The following FAM184A variants were observed in gnomAD, a reference collection of about 807,000 sequenced individuals.
FAM184A encodes protein FAM184A.
Under a neutral mutation model 143.8 loss-of-function variants are expected in FAM184A, and 99 were observed. The observed-to-expected ratio is 0.69, with a 90% CI of 0.58 to 0.81. The LOEUF is 0.81. FAM184A is among the 40% of genes least tolerant of loss of function. The pLI is 0.00. For missense variants in FAM184A, 1,217 were observed against 1,310.5 expected (o/e 0.93, Z 1.10); for synonymous variants, 427 against 446.4 (o/e 0.96, Z 0.55).
intron 1 of FAM184A, among the ~76,000 whole-genome samples, chr6:119,090,269 T>C (rs1422990982): frequency 6.6e-6 from 1 of 152,254 alleles, no homozygotes; most frequent in African/African-American, 2.4e-5. Flanking sequence ...CTCAGAATTT[T>C]CTCTAGCAAA....
chr6:119,108,145 G>GTGTGTGTGTGTGTGTGTGTT (rs1788838731), intron 1 of FAM184A, among the ~76,000 whole-genome samples: 1 of 151,894 alleles, frequency 6.6e-6, no homozygotes, highest in African/African-American at 2.4e-5. Context: ...GTGTGTGTGT[G>GTGTGTGTGTGTGTGTGTGTT]TGTGTGGTGT....
rs187226078 is a variant in FAM184A, at chr6:119,066,361, G to T, written c.159+11780C>A. ...CCTTGGCTCCCTCTTTCACTTAGAA[G>T]GATCCTTGTGATTACAGTTGCCCAT... On this transcript the variant is annotated intron_variant, in intron 1 of 17. Transcript: ENST00000338891. 2.5e-3 allele frequency among the ~76,000 whole-genome samples: 380 copies of T among 152,248 alleles called. 10 individuals are homozygous for T. Among genetic ancestry groups the T allele is most frequent in the Non-Finnish European group, 5.9e-4 (40 of 68,016 alleles).
At chr6:119,120,809 TTTC>T (rs1464330482) in intron 1 of FAM184A, among the ~76,000 whole-genome samples, 2 of 13,470 alleles carry the variant, frequency 1.5e-4, no homozygotes, top group Non-Finnish European at 4.3e-4. Flanking sequence ...GGTTTTTCTC[TTTC>T]TTTCTTTCTT....
At chr6:119,093,637 A>G (rs1361991486) in intron 1 of FAM184A, among the ~76,000 whole-genome samples, 1 of 152,126 alleles carries the variant, frequency 6.6e-6, no homozygotes, top group Non-Finnish European at 1.5e-5. Flanking sequence ...GAGGGATCCC[A>G]AGGAGGACGA....
chr6:119,017,308 C>T (rs1040835175), intron 4 of FAM184A, among the ~76,000 whole-genome samples: 2 of 152,132 alleles, frequency 1.3e-5, no homozygotes, highest in African/African-American at 4.8e-5. Context: ...ACCATCCTGG[C>T]TAACACGGTG....
At chr6:118,987,466 T>C (rs969674708) in intron 9 of FAM184A, among the ~76,000 whole-genome samples, 1 of 152,184 alleles carries the variant, frequency 6.6e-6, no homozygotes, top group Middle Eastern at 3.2e-3. Context: ...CAAAGAAAAA[T>C]GTTTTTAAAT....
At chr6:119,093,709 T>A (rs1488181218) in intron 1 of FAM184A, among the ~76,000 whole-genome samples, 1 of 152,142 alleles carries the variant, frequency 6.6e-6, no homozygotes, top group Non-Finnish European at 1.5e-5. Flanking sequence ...AAGGGAAGAC[T>A]GCTGTCCTCC....
intron 1 of FAM184A, among the ~76,000 whole-genome samples, chr6:119,087,838 G>A (rs1788260403): frequency 6.6e-6 from 1 of 152,192 alleles, no homozygotes; most frequent in South Asian, 2.1e-4. Flanking sequence ...CCAAAAGATG[G>A]AAGCAGCCCA....
chr6:118,977,477 G>A (rs1783881291), intron 11 of FAM184A, among the ~76,000 whole-genome samples: 1 of 152,144 alleles, frequency 6.6e-6, no homozygotes, highest in Non-Finnish European at 1.5e-5. Flanking sequence ...CTACTTAGGA[G>A]GCTGAGGCAG....
chr6:119,033,990 CAAAAAAAAAAAAAA>C (rs59719185), intron 1 of FAM184A, among the ~76,000 whole-genome samples: 10 of 17,388 alleles, frequency 5.8e-4, no homozygotes, highest in South Asian at 7.9e-3. Flanking sequence ...GACTCTGTCT[CAAAAAAAAAAAAAA>C]AAAAAAAAAA....
intron 1 of FAM184A, among the ~76,000 whole-genome samples, chr6:119,084,179 G>A (rs1264011298): frequency 6.6e-6 from 1 of 152,138 alleles, no homozygotes; most frequent in Non-Finnish European, 1.5e-5. Flanking sequence ...AATAGCATGG[G>A]AGAAATTGTC....
At chr6:119,007,666 C>T (rs1019892929) in intron 6 of FAM184A, among the ~76,000 whole-genome samples, 2 of 152,110 alleles carry the variant, frequency 1.3e-5, no homozygotes, top group Non-Finnish European at 2.9e-5. Flanking sequence ...TAGGGCTGGG[C>T]GCGGTGGCTT....
rs763619775 is a variant in FAM184A at position 119,096,642 on chromosome 6, C to CAA, written c.-202+52434_-202+52435dup. 1.6e-3 allele frequency among the ~76,000 whole-genome samples: 32 copies of CAA among 20,616 alleles called. 1 individual carries two copies. Among genetic ancestry groups the CAA allele is most frequent in the African/African-American group, 2.1e-3 (11 of 5,200 alleles). The allele number at this position is 20,616 out of a possible 152,430, so 13.5% of individuals were successfully genotyped here. On this transcript the variant is annotated intron_variant, in intron 1 of 16. Coordinates refer to the FAM184A transcript ENST00000352896. ...TGGGCGACAGAGCGAGACTCCATCT[C>CAA]AAAAAAAAAAAAAAAAAAAAAAAAA...
At chr6:119,091,114 TG>T (rs1305297231) in intron 1 of FAM184A, among the ~76,000 whole-genome samples, 1 of 152,206 alleles carries the variant, frequency 6.6e-6, no homozygotes, top group African/African-American at 2.4e-5. Flanking sequence ...GTGAGATTCT[TG>T]CTGTGTATTA....
chr6:119,020,240 T>C (rs1416746916), intron 3 of FAM184A, 81 bp from the exon 4 acceptor site: 3 of 1,111,196 alleles, frequency 2.7e-6, no homozygotes, highest in Non-Finnish European at 3.6e-6. Flanking sequence ...ATAACACAAC[T>C]GTACTTTATA....
At chr6:119,042,470 C>CTT (rs5879481) in intron 1 of FAM184A, among the ~76,000 whole-genome samples, 32 of 151,692 alleles carry the variant, frequency 2.1e-4, no homozygotes, top group East Asian at 3.9e-4. Flanking sequence ...GCCTGGGTCT[C>CTT]TTTTTTTTGC....
At chr6:119,148,434 A>G (rs1279618288) in intron 1 of FAM184A, among the ~76,000 whole-genome samples, 1 of 152,172 alleles carries the variant, frequency 6.6e-6, no homozygotes, top group Admixed American at 6.5e-5. Context: ...GCCCACTAGT[A>G]TGGCCCTAAC....
intron 1 of FAM184A, among the ~76,000 whole-genome samples, chr6:119,101,770 G>A (rs376241543): frequency 1.6e-3 from 239 of 152,184 alleles, no homozygotes; most frequent in South Asian, 0.012. Flanking sequence ...AAGAATAAAG[G>A]ATAGGCTGGG....
intron 3 of FAM184A, among the ~76,000 whole-genome samples, chr6:119,020,968 G>A (rs1269321229): frequency 1.3e-5 from 2 of 152,156 alleles, no homozygotes; most frequent in Admixed American, 1.3e-4. Flanking sequence ...GAAAAATGAG[G>A]AGAGACAGAG....
Sources: gnomAD v4.1 joint callset for allele counts (sites outside exome capture counted in the v4.1 genomes callset) on GRCh38, gnomAD v4.1.1 for gene constraint, MANE v1.5 for transcripts, NCBI Gene and HGNC (gene_info 2026-07-23, HGNC 2026-07-21) for gene names.